TNK2: variants seen among roughly 807,000 people sequenced by gnomAD.
TNK2 encodes the protein tyrosine kinase non receptor 2, also known as activated CDC42 kinase 1.
TNK2 carries 83 observed loss-of-function variants against 101.8 expected under a neutral mutation model. The ratio of observed to expected loss-of-function variants is 0.82; its 90% CI spans 0.68 to 0.98. The LOEUF (loss-of-function observed/expected upper bound fraction) is 0.98. Among genes scored for constraint, TNK2 ranks in the 50% least tolerant of loss-of-function variants. The probability of loss-of-function intolerance (pLI) is 0.00; values close to 1 mark genes in which losing one functional copy is unlikely to be tolerated. For synonymous variants in TNK2, 804 were observed against 633.0 expected (o/e 1.27, Z -4.06); for missense variants, 1,665 against 1,483.2 (o/e 1.12, Z -2.01).
At chr3:195,892,679 G>GA (rs2086148508) in intron 1 of TNK2, 52 of 1,283,618 alleles carry the variant, frequency 4.1e-5, no homozygotes, top group Non-Finnish European at 4.8e-5. Context: ...GCAGGGAGCA[G>GA]AGCTTTCCTC....
At position 195,882,358 on chromosome 3, in the gene TNK2, A is replaced by G; in HGVS notation, c.610-30T>C. 1.9e-6 allele frequency: 3 copies of G among 1,606,808 alleles called. No homozygotes were observed. The highest frequency in any genetic ancestry group is 2.6e-6 in the Non-Finnish European group (3 of 1,174,804). On this transcript the variant is annotated intron_variant, in intron 5 of 15. Coordinates refer to ENST00000672887, the MANE Select transcript of TNK2 (RefSeq NM_001382273.1). The surrounding 1 kb of genome is among the most constrained non-coding windows in gnomAD (Gnocchi z 4.2). ...GGCCACGGAGGAGGCAGGAGGAATG[A>G]GCTGGAGGACCCTGCCCCTTCTCAG...
At chr3:195,873,673 C>T (rs1039931110) in intron 9 of TNK2, among the ~76,000 whole-genome samples, 10 of 152,290 alleles carry the variant, frequency 6.6e-5, no homozygotes, top group East Asian at 1.9e-4. Flanking sequence ...CCAGCCAGGC[C>T]GGGGAGAGAG....
chr3:195,883,145 C>T lies in TNK2; in HGVS notation c.609+12G>A, dbSNP rs780847735. The T allele has an allele frequency of 5.6e-6, 9 of 1,601,194 alleles. No individual in the cohort carries two copies. Among genetic ancestry groups the T allele is most frequent in the South Asian group, 4.4e-5 (4 of 91,022 alleles). On this transcript the variant is annotated intron_variant, in intron 5 of 15. Transcript: ENST00000672887. ...CTCTCCCTGCCCGCCCCCTCCCGCCCGCAGTACTCACCATCTTCATGGGCG... is the reference window on the plus strand; with the variant it reads ...CTCTCCCTGCCCGCCCCCTCCCGCCTGCAGTACTCACCATCTTCATGGGCG...
At chr3:195,868,891 AG>A in intron 12 of TNK2, 182 bp from the exon 13 acceptor site, 3 of 659,340 alleles carry the variant, frequency 4.5e-6, no homozygotes, top group Non-Finnish European at 2.4e-6. Flanking sequence ...CCACTCCATC[AG>A]GAGGGCGGAA....
In TNK2 at chr3:195,878,427, G is replaced by T. The variant is rs1408458657; in HGVS notation, c.1161+19C>A. 2 of 1,613,744 alleles carry T rather than the reference G, an allele frequency of 1.2e-6. No individual in the cohort carries two copies. Among genetic ancestry groups the T allele is most frequent in the African/African-American group, 2.7e-5 (2 of 74,928 alleles). On this transcript the variant is annotated intron_variant, in intron 8 of 15. Transcript: ENST00000672887. The surrounding 1 kb of genome is among the most constrained non-coding windows in gnomAD (Gnocchi z 4.7). ...TCAGCTTGAACACCCCAGCTCTCCT[G>T]GGCTGACCTGTCCCTCACCTCCAGC...
At chr3:195,876,383 C>G (rs1749273308) in intron 9 of TNK2, 1 of 455,454 alleles carries the variant, frequency 2.2e-6, no homozygotes, top group Non-Finnish European at 4.4e-6. Flanking sequence ...AAGAGAAGGC[C>G]AGGCTAGGAG....
chr3:195,896,474 C>A (rs180675895), intron 1 of TNK2, among the ~76,000 whole-genome samples: 11 of 152,296 alleles, frequency 7.2e-5, no homozygotes, highest in Admixed American at 7.2e-4. Context: ...CGGCGAGGCC[C>A]CCGAACGCCT....
chr3:195,901,257 G>A (rs2149851377), intron 1 of TNK2, among the ~76,000 whole-genome samples: 1 of 152,340 alleles, frequency 6.6e-6, no homozygotes, highest in South Asian at 2.1e-4. Flanking sequence ...CTGTCATCGG[G>A]AATGGAGGCT....
At chr3:195,894,870 C>A (rs988513163) in intron 1 of TNK2, 16 of 197,976 alleles carry the variant, frequency 8.1e-5, no homozygotes, top group Non-Finnish European at 1.2e-4. Flanking sequence ...TTTTCAAAAG[C>A]AAACAAGGAC....
rs1743672799 is a variant in TNK2 at position 195,869,756 on chromosome 3, G to A, written c.1544-215C>T. 6 of 612,798 alleles carry A rather than the reference G, an allele frequency of 9.8e-6. No individual in the cohort carries two copies. The Admixed American group carries it at 1.6e-4, about 17-fold the overall frequency. The allele number at this position is 612,798 out of a possible 1,614,324, so 38.0% of individuals were successfully genotyped here. On this transcript the variant is annotated intron_variant, in intron 11 of 15. Coordinates refer to ENST00000672887, the MANE Select transcript of TNK2 (RefSeq NM_001382273.1). ...TATGATAGGCAGAGGACCGGGAGAT[G>A]GAGGAGGCCCCAGGCAGAGCCGGAG...
chr3:195,885,393 C>T lies in TNK2; in HGVS notation c.235-360G>A. The T allele has an allele frequency of 7.4e-7, 1 of 1,345,704 alleles. No individual in the cohort carries two copies. Among genetic ancestry groups the T allele is most frequent in the Non-Finnish European group, 9.7e-7 (1 of 1,026,368 alleles). 83.4% of individuals were successfully genotyped at this position (1,345,704 alleles called of 1,614,324 possible). Reference sequence around the variant, plus strand: ...ACCCTCCCTTCCTGCACCCGCCACCCCGCAGACTCCAGCCCTAACCCGCAT... The same window carrying T: ...ACCCTCCCTTCCTGCACCCGCCACCTCGCAGACTCCAGCCCTAACCCGCAT... On this transcript the variant is annotated intron_variant, in intron 3 of 15. Transcript: ENST00000672887. This position sits in a 1 kb window ranked among gnomAD's most constrained non-coding sequence, Gnocchi z 4.7.
At chr3:195,902,213 G>T (rs9866046) in intron 1 of TNK2, among the ~76,000 whole-genome samples, 1 of 152,018 alleles carries the variant, frequency 6.6e-6, no homozygotes, top group South Asian at 2.1e-4. Flanking sequence ...TTGACTGACC[G>T]CCTGCAATCC....
At chr3:195,899,870 G>A (rs180926125) in intron 1 of TNK2, among the ~76,000 whole-genome samples, 13 of 152,144 alleles carry the variant, frequency 8.5e-5, no homozygotes, top group African/African-American at 2.7e-4. Context: ...ACTGGAGAAC[G>A]GTGGCTGCTT....
chr3:195,888,342 C>T lies in TNK2; in HGVS notation c.163+84G>A. ...CAGGGCTCTGGGACAGAGTTCTCAG[C>T]TGCCACCCGTGCACCGAGTGGTCCT... On this transcript the variant is annotated intron_variant, in intron 2 of 15. Coordinates refer to ENST00000672887, the MANE Select transcript of TNK2 (RefSeq NM_001382273.1). The surrounding 1 kb of genome is among the most constrained non-coding windows in gnomAD (Gnocchi z 5.3). 1.4e-6 allele frequency: 2 copies of T among 1,455,548 alleles called. No homozygotes were observed. The highest frequency in any genetic ancestry group is 1.8e-5 in the Admixed American group (1 of 54,528). 90.2% of individuals were successfully genotyped at this position (1,455,548 alleles called of 1,614,324 possible).
rs1755884968 is a variant in TNK2 at position 195,886,924 on chromosome 3, G to C, written c.234+53C>G. 4.4e-6 allele frequency: 7 copies of C among 1,592,312 alleles called. No individual in the cohort carries two copies. Among genetic ancestry groups the C allele is most frequent in the East Asian group, 2.2e-5 (1 of 44,738 alleles). ...AAGGTTCCCAGGACCAGAAGCGGAG[G>C]GGGGCGTTCGAGGCTGCCCCCCTCC... On this transcript the variant is annotated intron_variant, in intron 3 of 15. Coordinates refer to ENST00000672887, the MANE Select transcript of TNK2 (RefSeq NM_001382273.1). This position sits in a 1 kb window ranked among gnomAD's most constrained non-coding sequence, Gnocchi z 4.2.
In TNK2 at chr3:195,888,470, T is replaced by A; in HGVS notation, c.119A>T (p.Tyr40Phe). 1 of 1,613,756 alleles carries A rather than the reference T, an allele frequency of 6.2e-7. No individual in the cohort carries two copies. The highest frequency in any genetic ancestry group is 1.1e-5 in the South Asian group (1 of 91,052). Residue 40 changes from tyrosine (Y) to phenylalanine (F), a missense_variant, in exon 2 of 16, where the codon TAC becomes TTC. By Grantham distance (22) the Tyr-to-Phe change is conservative. Transcript: ENST00000672887. This position sits in a 1 kb window ranked among gnomAD's most constrained non-coding sequence, Gnocchi z 5.3. ...CTTCTCCAGGTCCTCATTCTTGACG[T>A]ACTCAAAGTGGGACAGGCGGGTGAC... is the stretch of plus-strand genomic sequence containing the variant. Reference protein sequence around the residue: ...LNVTRLSHFEYVKNEDLEKIG... With the variant: ...LNVTRLSHFEFVKNEDLEKIG...
At chr3:195,893,655 C>T (rs1212803307) in intron 1 of TNK2, among the ~76,000 whole-genome samples, 1 of 152,002 alleles carries the variant, frequency 6.6e-6, no homozygotes, top group Non-Finnish European at 1.5e-5. Context: ...TCGCTACGGC[C>T]CCCAGACACA....
rs747609512 is a variant in TNK2 at position 195,887,065 on chromosome 3, A to C, written c.164-18T>G. ...CCGCTGGCCTGCAGGGAGAGCGGGG[A>C]ACCGCGTGCTGTGAAGGCCGCCGTA... On this transcript the variant is annotated intron_variant, in intron 2 of 15. Transcript: ENST00000672887. The C allele has an allele frequency of 1.2e-6, 2 of 1,607,534 alleles. No homozygotes were observed. Among genetic ancestry groups the C allele is most frequent in the Admixed American group, 3.4e-5 (2 of 59,632 alleles).
At chr3:195,895,732 C>A (rs1321253016) in intron 1 of TNK2, among the ~76,000 whole-genome samples, 2 of 152,178 alleles carry the variant, frequency 1.3e-5, no homozygotes, top group Non-Finnish European at 2.9e-5. Context: ...ATTCACGAGT[C>A]CCCCGTATTC....
Sources: allele counts gnomAD v4.1 joint callset (sites outside exome capture counted in the v4.1 genomes callset), GRCh38; gene constraint gnomAD v4.1.1; non-coding constraint Gnocchi (gnomAD v3.1); transcripts MANE v1.5; gene names NCBI Gene and HGNC (gene_info 2026-07-23, HGNC 2026-07-21).